Variants in JRK observed in about 807,000 individuals in gnomAD.
JRK encodes jerky protein homolog.
For missense variants in JRK, 720 were observed against 509.2 expected, an observed-to-expected ratio of 1.41 and a Z score of -3.98; for synonymous variants, 303 against 218.1, an observed-to-expected ratio of 1.39 and a Z score of -3.43.
Position 142,659,639 on chromosome 8 carries a change from G to C in JRK, c.*4713C>G, listed in dbSNP as rs587668981. The C allele has an allele frequency of 2.0e-6, 2 of 985,454 alleles. No individual in the cohort carries two copies. The highest frequency in any genetic ancestry group is 3.5e-5 in the African/African-American group (2 of 57,250). 61.0% of individuals were successfully genotyped at this position (985,454 alleles called of 1,614,324 possible). A position where few individuals can be genotyped will look rare whatever the true frequency, so the allele number is the denominator to read the frequency against. On this transcript the variant is annotated 3_prime_UTR_variant, in exon 2 of 2. Coordinates refer to ENST00000612905, the MANE Select transcript of JRK (RefSeq NM_003724.4). ...AGATTCAGAGGCTCAGGACCACCAC[G>C]GAACTGAAAGGAGGTTCAAGGCCTC...
rs1220688921 is a variant in JRK, at chr8:142,666,136, G to A, written c.-78C>T. 16 of 1,549,170 alleles carry A rather than the reference G, an allele frequency of 1.0e-5. No individual in the cohort carries two copies. Among genetic ancestry groups the A allele is most frequent in the Non-Finnish European group, 1.3e-5 (15 of 1,146,748 alleles). On this transcript the variant is annotated 5_prime_UTR_variant, in exon 2 of 2. Coordinates refer to ENST00000612905, the MANE Select transcript of JRK (RefSeq NM_003724.4). The stretch of plus-strand genomic sequence containing the variant: ...GCTGCCACTACTTCCCTCTCCTCCT[G>A]CTCCCCTTCTGGGGCTCCGTCTCTC...
chr8:142,655,618 C>A (rs1485755967), downstream of JRK, among the ~76,000 whole-genome samples: 1 of 151,306 alleles, frequency 6.6e-6, no homozygotes, highest in African/African-American at 2.4e-5. Flanking sequence ...CAAACTGTGT[C>A]CCTGACCATC....
At chr8:142,669,195 T>TGTGTGTGTGTGC (rs1375565668) in intron 1 of JRK, among the ~76,000 whole-genome samples, 3 of 63,036 alleles carry the variant, frequency 4.8e-5, no homozygotes, top group South Asian at 7.5e-4. Flanking sequence ...TGTGTGTGTG[T>TGTGTGTGTGTGC]GTGTGCGTGT....
Position 142,661,118 on chromosome 8 carries a change from T to C in JRK, c.*3234A>G, listed in dbSNP as rs1846902042. ...GCCATGGCTGAGCACGAATGAAGCA[T>C]ATGGAAGTCACGCACAGACAGGCCC... On this transcript the variant is annotated 3_prime_UTR_variant, in exon 2 of 2. Transcript: ENST00000612905. The C allele has an allele frequency of 9.1e-6, 9 of 985,438 alleles. No homozygotes were observed. The highest frequency in any genetic ancestry group is 1.1e-5 in the Non-Finnish European group (9 of 829,972). 61.0% of individuals were successfully genotyped at this position (985,438 alleles called of 1,614,324 possible). A position where few individuals can be genotyped will look rare whatever the true frequency, so the allele number is the denominator to read the frequency against.
At chr8:142,647,111 G>C in the JRK span, among the ~76,000 whole-genome samples, 1 of 152,158 alleles carries the variant, frequency 6.6e-6, no homozygotes, top group South Asian at 2.1e-4. Flanking sequence ...TCTATCATAT[G>C]ATTGTGTAAG....
In JRK at chr8:142,660,108, G is replaced by C. The variant is rs781969895; in HGVS notation, c.*4244C>G. On this transcript the variant is annotated 3_prime_UTR_variant, in exon 2 of 2. Coordinates refer to ENST00000612905, the MANE Select transcript of JRK (RefSeq NM_003724.4). ...CCAGGCCTGGGGTCTACAAGAGCTGGGCAGGGAAGAGGACAAACAAGGTCT... is the reference window on the plus strand; with the variant it reads ...CCAGGCCTGGGGTCTACAAGAGCTGCGCAGGGAAGAGGACAAACAAGGTCT... 9 of 985,580 alleles carry C rather than the reference G, an allele frequency of 9.1e-6. No homozygotes were observed. Among genetic ancestry groups the C allele is most frequent in the African/African-American group, 1.7e-5 (1 of 57,372 alleles). 61.1% of individuals were successfully genotyped at this position (985,580 alleles called of 1,614,324 possible). A position where few individuals can be genotyped will look rare whatever the true frequency, so the allele number is the denominator to read the frequency against.
At chr8:142,645,097 A>G in the JRK span, among the ~76,000 whole-genome samples, 8 of 152,144 alleles carry the variant, frequency 5.3e-5, no homozygotes, top group African/African-American at 1.4e-4. Flanking sequence ...TTCTAGCCCT[A>G]TGTCTCAGGA....
At chr8:142,645,136 A>C in the JRK span, among the ~76,000 whole-genome samples, 1 of 152,172 alleles carries the variant, frequency 6.6e-6, no homozygotes, top group Non-Finnish European at 1.5e-5. Flanking sequence ...GGCATCTTCT[A>C]CTGGATCTGA....
Position 142,664,928 on chromosome 8 carries a change from G to T in JRK, c.1131C>A (p.Val377=). 1 of 904,700 alleles carries T rather than the reference G, an allele frequency of 1.1e-6. No homozygotes were observed. The highest frequency in any genetic ancestry group is 1.7e-5 in the Admixed American group (1 of 57,194). The allele number at this position is 904,700 out of a possible 1,614,324, so 56.0% of individuals were successfully genotyped here. ...ACAWNAVPSH[V]FRRAWRKLWP... Reference sequence around the variant, plus strand: ...ACAGCTTCCTCCAGGCCCGCCTGAAGACGTGGCTAGGGACTGCGTTCCAGG... The same window carrying T: ...ACAGCTTCCTCCAGGCCCGCCTGAATACGTGGCTAGGGACTGCGTTCCAGG... Residue 377 remains valine (V), a synonymous_variant, in exon 2 of 2, where the codon GTC becomes GTA. Transcript: ENST00000612905.
chr8:142,657,125 G>A (rs1456974660), downstream of JRK, among the ~76,000 whole-genome samples: 1 of 152,206 alleles, frequency 6.6e-6, no homozygotes, highest in Non-Finnish European at 1.5e-5. Context: ...AACTGGAGGA[G>A]CTCAGACATA....
At position 142,662,569 on chromosome 8, in the gene JRK, GAT is replaced by G. The variant is rs1264204578; in HGVS notation, c.*1781_*1782del. ...AACTGGGACTGTCGTTCAGCACCGA[GAT>G]CTTTAAAAACTATTTGGCTTTTATA... On this transcript the variant is annotated 3_prime_UTR_variant, in exon 2 of 2. Transcript: ENST00000612905. 48 of 985,306 alleles carry G rather than the reference GAT, an allele frequency of 4.9e-5. No homozygotes were observed. The highest frequency in any genetic ancestry group is 5.4e-5 in the Non-Finnish European group (45 of 829,946). The allele number at this position is 985,306 out of a possible 1,614,324, so 61.0% of individuals were successfully genotyped here.
At chr8:142,656,501 C>G (rs1846755281), downstream of JRK, among the ~76,000 whole-genome samples, 1 of 152,252 alleles carries the variant, frequency 6.6e-6, no homozygotes, top group Admixed American at 6.5e-5. Context: ...TTAATCCAAT[C>G]AAATTTGGGC....
Position 142,663,015 on chromosome 8 carries a change from C to T in JRK, c.*1337G>A, listed in dbSNP as rs57291550. The T allele has an allele frequency of 7.3e-3, 2,237 of 305,662 alleles. 46 individuals carry two copies. The highest frequency in any genetic ancestry group is 0.054 in the African/African-American group (2,101 of 38,750). 18.9% of individuals were successfully genotyped at this position (305,662 alleles called of 1,614,324 possible). On this transcript the variant is annotated 3_prime_UTR_variant, in exon 2 of 2. Transcript: ENST00000612905. ...TCTCTACAAAAAAAATAAAAAGGCG[C>T]GGTGGTGCGTGCCTCTAGTCCCAGC...
the JRK span, among the ~76,000 whole-genome samples, chr8:142,645,698 T>G: frequency 6.9e-6 from 1 of 145,968 alleles, no homozygotes; most frequent in Non-Finnish European, 1.5e-5. Context: ...AAAATATATA[T>G]ATACATCCTC....
the JRK span, among the ~76,000 whole-genome samples, chr8:142,649,878 C>G: frequency 6.6e-6 from 1 of 152,246 alleles, no homozygotes; most frequent in Non-Finnish European, 1.5e-5. Flanking sequence ...GGCCACTGAC[C>G]TCTAAACCCC....
the JRK span, among the ~76,000 whole-genome samples, chr8:142,645,194 G>C: frequency 3.9e-5 from 6 of 152,114 alleles, no homozygotes; most frequent in Non-Finnish European, 8.8e-5. Context: ...GCAGGACTTG[G>C]TGTTCTTTTT....
chr8:142,667,522 G>A (rs1554636437), intron 1 of JRK, among the ~76,000 whole-genome samples: 1 of 151,854 alleles, frequency 6.6e-6, no homozygotes. Flanking sequence ...ACAGGAACAA[G>A]CTAGCCCAGA....
At chr8:142,643,880 G>A in the JRK span, among the ~76,000 whole-genome samples, 1,215 of 152,290 alleles carry the variant, frequency 8.0e-3, 20 homozygotes, top group African/African-American at 0.028. Context: ...AAATCAGGTA[G>A]AGGAAAAAGA....
chr8:142,647,235 C>T, the JRK span, among the ~76,000 whole-genome samples: 17 of 152,008 alleles, frequency 1.1e-4, no homozygotes, highest in Admixed American at 3.3e-4. Context: ...TGAGACTAAA[C>T]CATATGATGC....
Sources: gnomAD v4.1 joint callset for allele counts (sites outside exome capture counted in the v4.1 genomes callset) on GRCh38, gnomAD v4.1.1 for gene constraint, MANE v1.5 for transcripts, NCBI Gene and HGNC (gene_info 2026-07-23, HGNC 2026-07-21) for gene names.